The following NFIB variants were observed in gnomAD, a reference collection of about 807,000 sequenced individuals.
NFIB encodes the protein nuclear factor I B, also known as nuclear factor 1 B-type.
NFIB carries 11 observed loss-of-function variants against 61.5 expected under a neutral mutation model. The ratio of observed to expected loss-of-function variants is 0.18; its 90% CI spans 0.11 to 0.30. The LOEUF (loss-of-function observed/expected upper bound fraction) is 0.30, where lower values mean the gene tolerates loss of function less well. NFIB is among the 10% of genes least tolerant of loss of function. NFIB has a pLI of 1.00. For synonymous variants in NFIB, 260 were observed against 216.5 expected, an observed-to-expected ratio of 1.20 and a Z score of -1.76; for missense variants, 471 against 608.9, an observed-to-expected ratio of 0.77 and a Z score of 2.38.
At chr9:14,481,414 T>A in the NFIB span, among the ~76,000 whole-genome samples, 1 of 150,232 alleles carries the variant, frequency 6.7e-6, no homozygotes, top group African/African-American at 2.5e-5. Context: ...TGGGATTATC[T>A]CCCAAAAAAA....
At chr9:14,260,140 A>G (rs958363977) in intron 2 of NFIB, among the ~76,000 whole-genome samples, 1 of 152,168 alleles carries the variant, frequency 6.6e-6, no homozygotes, top group Non-Finnish European at 1.5e-5. Context: ...CGTAGAGAAG[A>G]GTCCAAGTGC....
intron 6 of NFIB, among the ~76,000 whole-genome samples, chr9:14,135,411 T>A (rs921272299): frequency 7.2e-5 from 11 of 152,210 alleles, no homozygotes; most frequent in African/African-American, 2.7e-4. Flanking sequence ...TGCAATTTAG[T>A]TGGCTACAGG....
chr9:14,531,142 T>C, the NFIB span, among the ~76,000 whole-genome samples: 2 of 152,090 alleles, frequency 1.3e-5, no homozygotes, highest in African/African-American at 4.8e-5. Context: ...CTACCTCTCA[T>C]CCCAGCACTC....
chr9:14,128,751 G>A (rs193160444), intron 6 of NFIB, among the ~76,000 whole-genome samples: 15 of 151,402 alleles, frequency 9.9e-5, no homozygotes, highest in African/African-American at 2.2e-4. Context: ...GAACAGTGTC[G>A]TTCTGGGTAT....
At chr9:14,498,537 G>A in the NFIB span, among the ~76,000 whole-genome samples, 45 of 152,298 alleles carry the variant, frequency 3.0e-4, no homozygotes, top group Non-Finnish European at 5.6e-4. Flanking sequence ...AGATACACTC[G>A]AGAACAACAT....
At chr9:14,460,886 T>C in the NFIB span, among the ~76,000 whole-genome samples, 3 of 151,982 alleles carry the variant, frequency 2.0e-5, no homozygotes, top group African/African-American at 4.8e-5. Flanking sequence ...CACTTCTTAC[T>C]CCTTTCCCTA....
chr9:14,474,810 GA>G, the NFIB span, among the ~76,000 whole-genome samples: 1 of 152,206 alleles, frequency 6.6e-6, no homozygotes, highest in South Asian at 2.1e-4. Flanking sequence ...AAACTGGGGT[GA>G]GGGGCTAACA....
At chr9:14,442,574 G>A in the NFIB span, among the ~76,000 whole-genome samples, 304 of 152,212 alleles carry the variant, frequency 2.0e-3, 1 homozygote, top group African/African-American at 7.1e-3. Context: ...GGGAAAATCT[G>A]TCCCAGGCCT....
chr9:14,527,271 T>C, the NFIB span, among the ~76,000 whole-genome samples: 2 of 152,182 alleles, frequency 1.3e-5, no homozygotes, highest in East Asian at 3.8e-4. Context: ...GATGTTAAAA[T>C]TTTCTTTTTA....
chr9:14,390,042 C>T (rs938246136), intron 1 of NFIB, among the ~76,000 whole-genome samples: 1 of 152,126 alleles, frequency 6.6e-6, no homozygotes, highest in African/African-American at 2.4e-5. Context: ...TTGTCTTAAA[C>T]CCTACCAAAA....
At chr9:14,515,267 T>C in the NFIB span, among the ~76,000 whole-genome samples, 1 of 151,934 alleles carries the variant, frequency 6.6e-6, no homozygotes, top group African/African-American at 2.4e-5. Flanking sequence ...AGGAAGTGGG[T>C]TGCAAAGTGG....
intron 1 of NFIB, among the ~76,000 whole-genome samples, chr9:14,324,301 T>C (rs1249634648): frequency 2.0e-5 from 3 of 152,108 alleles, no homozygotes; most frequent in Non-Finnish European, 4.4e-5. Flanking sequence ...ATATAAAATA[T>C]AAAGATTCTA....
chr9:14,521,127 A>T, the NFIB span, among the ~76,000 whole-genome samples: 35,923 of 152,144 alleles, frequency 0.24, 4,410 homozygotes, highest in African/African-American at 0.3. Context: ...GGCTTTAGTG[A>T]GCAGGACAAA....
chr9:14,525,358 T>A, the NFIB span, among the ~76,000 whole-genome samples: 1 of 152,206 alleles, frequency 6.6e-6, no homozygotes, highest in African/African-American at 2.4e-5. Flanking sequence ...TTATTTAAAC[T>A]TTGAGGGTTT....
intron 8 of NFIB, among the ~76,000 whole-genome samples, chr9:14,119,826 G>T (rs575395422): frequency 1.3e-5 from 2 of 152,264 alleles, no homozygotes; most frequent in East Asian, 3.9e-4. Flanking sequence ...ATGTCTAGGG[G>T]AGTGAGAAAT....
the NFIB span, among the ~76,000 whole-genome samples, chr9:14,528,533 T>C: frequency 3.9e-5 from 6 of 152,208 alleles, no homozygotes; most frequent in African/African-American, 1.4e-4. Context: ...TCAAGTTGCA[T>C]AGACTGGCAA....
the NFIB span, among the ~76,000 whole-genome samples, chr9:14,474,950 C>T: frequency 6.6e-6 from 1 of 152,164 alleles, no homozygotes; most frequent in Non-Finnish European, 1.5e-5. Context: ...CTATCTGGGC[C>T]CTCAATGGAT....
chr9:14,414,554 G>A, the NFIB span, among the ~76,000 whole-genome samples: 1 of 133,292 alleles, frequency 7.5e-6, no homozygotes, highest in Non-Finnish European at 1.5e-5. Context: ...GTGACCGTAA[G>A]TAGATGGCCT....
intron 2 of NFIB, among the ~76,000 whole-genome samples, chr9:14,187,017 GTGTGTGTGTA>G (rs59995985): frequency 0.35 from 12,907 of 36,978 alleles, 655 homozygotes; most frequent in Middle Eastern, 0.46. Context: ...GTGTGTGTGT[GTGTGTGTGTA>G]TGTGTGTGTG....
Sources: gnomAD v4.1 joint callset for allele counts (sites outside exome capture counted in the v4.1 genomes callset) on GRCh38, gnomAD v4.1.1 for gene constraint, MANE v1.5 for transcripts, NCBI Gene and HGNC (gene_info 2026-07-23, HGNC 2026-07-21) for gene names.